KANSL1: variants seen among roughly 807,000 people sequenced by gnomAD.
KANSL1 encodes KAT8 regulatory NSL complex subunit 1.
Under a neutral mutation model 103.6 loss-of-function variants are expected in KANSL1, and 22 were observed. The ratio of observed to expected loss-of-function variants is 0.21; its 90% CI spans 0.15 to 0.30. The LOEUF (loss-of-function observed/expected upper bound fraction) is 0.30, where lower values mean the gene tolerates loss of function less well. Among genes scored for constraint, KANSL1 ranks in the 10% least tolerant of loss-of-function variants. The pLI, the probability that KANSL1 is intolerant of heterozygous loss-of-function variation, is 1.00. For missense variants in KANSL1, 1,337 were observed against 1,399.8 expected, an observed-to-expected ratio of 0.96 and a Z score of 0.72; for synonymous variants, 600 against 527.6, an observed-to-expected ratio of 1.14 and a Z score of -1.88.
chr17:46,114,034 G>C (rs1417894284), intron 2 of KANSL1, among the ~76,000 whole-genome samples: 3 of 152,312 alleles, frequency 2.0e-5, no homozygotes, highest in East Asian at 1.9e-4. Context: ...AGCCAAGTCA[G>C]ACTGTCAAAC....
chr17:46,156,549 T>C (rs1254625456), intron 2 of KANSL1, among the ~76,000 whole-genome samples: 1 of 152,268 alleles, frequency 6.6e-6, no homozygotes, highest in Non-Finnish European at 1.5e-5. Flanking sequence ...TTAATGCCTG[T>C]ACCATGTATC....
At chr17:46,182,180 C>T (rs1246845424) in intron 1 of KANSL1, among the ~76,000 whole-genome samples, 1 of 152,138 alleles carries the variant, frequency 6.6e-6, no homozygotes, top group Non-Finnish European at 1.5e-5. Context: ...GTCAAAAAGG[C>T]CTCGTGGGGG....
rs1166121795 is a variant in KANSL1, at chr17:46,206,096, A to AC, written c.-90+17574_-90+17575insG. Among the ~76,000 whole-genome samples, 6 of 151,982 alleles carry AC rather than the reference A, an allele frequency of 3.9e-5. No homozygotes were observed. The East Asian group carries it at 1.2e-3, about 29-fold the overall frequency. On this transcript the variant is annotated intron_variant, in intron 1 of 14. Transcript: ENST00000572904. ...GACTGTGTCCCCCAAAAAAAAAAAA[A>AC]AAAAAAAAAGGAAAGATATCCCATG...
intron 2 of KANSL1, among the ~76,000 whole-genome samples, chr17:46,146,321 T>C (rs1360568430): frequency 6.6e-6 from 1 of 152,254 alleles, no homozygotes; most frequent in Non-Finnish European, 1.5e-5. Flanking sequence ...TTATCAGCTC[T>C]ATTTACAGAG....
chr17:46,123,363 C>T (rs2043371173), intron 2 of KANSL1, among the ~76,000 whole-genome samples: 3 of 152,008 alleles, frequency 2.0e-5, no homozygotes, highest in South Asian at 2.1e-4. Context: ...GGCGGCAGAG[C>T]GAGACTCCAT....
At chr17:46,041,119 G>A (rs1598461160) in intron 7 of KANSL1, 1 of 152,196 alleles carries the variant, frequency 6.6e-6, no homozygotes, top group Non-Finnish European at 1.5e-5. Context: ...TTCATTACTA[G>A]TATATAGAAG....
chr17:46,092,711 TTTTTGGGGG>T (rs2079448099), intron 3 of KANSL1, among the ~76,000 whole-genome samples: 1 of 72,894 alleles, frequency 1.4e-5, no homozygotes, highest in Non-Finnish European at 2.5e-5. Flanking sequence ...TGTTTTTTTT[TTTTTGGGGG>T]GGGGGGGGGA....
intron 2 of KANSL1, among the ~76,000 whole-genome samples, chr17:46,101,690 G>T (rs1329742879): frequency 2.7e-5 from 4 of 145,506 alleles, no homozygotes; most frequent in Non-Finnish European, 5.9e-5. Context: ...GGAGGCAGAG[G>T]TTACAGTGAG....
At position 46,204,855 on chromosome 17, in the gene KANSL1, A is replaced by C. The variant is rs148673306; in HGVS notation, c.-90+18816T>G. Among the ~76,000 whole-genome samples, 248 of 152,384 alleles carry C rather than the reference A, an allele frequency of 1.6e-3. 1 individual carries two copies. The highest frequency in any genetic ancestry group is 2.5e-3 in the Non-Finnish European group (168 of 68,038). On this transcript the variant is annotated intron_variant, in intron 1 of 14. Transcript: ENST00000572904. ...AGGATACAAACCACATGATCATTTG[A>C]ATAGATGCAGAAAAAGCACTTAACA...
intron 2 of KANSL1, among the ~76,000 whole-genome samples, chr17:46,160,021 CCTCT>C (rs1385011771): frequency 5.9e-5 from 9 of 152,210 alleles, no homozygotes; most frequent in South Asian, 4.1e-4. Context: ...TTTTTTCTGC[CCTCT>C]CTCTATCAGT....
chr17:46,159,199 C>T (rs1273038495), intron 2 of KANSL1, among the ~76,000 whole-genome samples: 1 of 152,214 alleles, frequency 6.6e-6, no homozygotes, highest in Non-Finnish European at 1.5e-5. Context: ...CCTGCCTATG[C>T]CTATGACAAC....
At chr17:46,054,350 G>A (rs1032590197) in intron 6 of KANSL1, among the ~76,000 whole-genome samples, 8 of 152,256 alleles carry the variant, frequency 5.3e-5, no homozygotes, top group Middle Eastern at 3.4e-3. Flanking sequence ...CATCGCGACC[G>A]GTCCCAGTCA....
intron 2 of KANSL1, among the ~76,000 whole-genome samples, chr17:46,096,311 C>CTTTTTTTTTTTCTTTTTT (rs2042070594): frequency 1.3e-5 from 1 of 76,408 alleles, no homozygotes; most frequent in Non-Finnish European, 2.5e-5. Flanking sequence ...GCTTTTTTTT[C>CTTTTTTTTTTTCTTTTTT]TTTTTTTTTT....
intron 1 of KANSL1, among the ~76,000 whole-genome samples, chr17:46,219,227 A>C (rs1281549109): frequency 6.6e-6 from 1 of 151,554 alleles, no homozygotes; most frequent in Non-Finnish European, 1.5e-5. Context: ...TCACCTGGAC[A>C]ACAAAGCGAG....
rs1290513929 is a variant in KANSL1, at chr17:46,030,382, G to T, written c.*1094C>A. ...CGATTACAAAATGGCCAAAAAAAAAGAGTCTTCTCCCCCCTCCCCCTTTTT... is the reference window on the plus strand; with the variant it reads ...CGATTACAAAATGGCCAAAAAAAAATAGTCTTCTCCCCCCTCCCCCTTTTT... On this transcript the variant is annotated 3_prime_UTR_variant, in exon 15 of 15. Coordinates refer to ENST00000432791, the MANE Select transcript of KANSL1 (RefSeq NM_015443.4). 2 of 150,842 alleles carry T rather than the reference G, an allele frequency of 1.3e-5. No homozygotes were observed. The highest frequency in any genetic ancestry group is 3.9e-4 in the East Asian group (2 of 5,158). 9.3% of individuals were successfully genotyped at this position (150,842 alleles called of 1,614,324 possible).
chr17:46,070,944 A>G (rs1311313153), intron 4 of KANSL1, among the ~76,000 whole-genome samples: 1 of 152,218 alleles, frequency 6.6e-6, no homozygotes, highest in African/African-American at 2.4e-5. Context: ...ATTCTCTAAC[A>G]AAGTCTCATT....
chr17:46,095,240 T>G (rs2042011541), intron 2 of KANSL1, among the ~76,000 whole-genome samples: 1 of 152,222 alleles, frequency 6.6e-6, no homozygotes, highest in Non-Finnish European at 1.5e-5. Flanking sequence ...ACACATTTTT[T>G]TAGGATGGCG....
intron 2 of KANSL1, 99 bp downstream of exon 2, chr17:46,170,756 T>C (rs913712733): frequency 3.6e-5 from 47 of 1,307,488 alleles, no homozygotes; most frequent in Non-Finnish European, 4.6e-5. Flanking sequence ...CCTAGACACC[T>C]ATGTACAAAG....
At chr17:46,189,385 A>AT (rs2047199801) in intron 1 of KANSL1, among the ~76,000 whole-genome samples, 7 of 152,186 alleles carry the variant, frequency 4.6e-5, no homozygotes, top group Admixed American at 2.0e-4. Flanking sequence ...GAGGGACAAT[A>AT]AAACTATATA....
Sources: gnomAD v4.1 joint callset for allele counts (sites outside exome capture counted in the v4.1 genomes callset) on GRCh38, gnomAD v4.1.1 for gene constraint, MANE v1.5 for transcripts, NCBI Gene and HGNC (gene_info 2026-07-23, HGNC 2026-07-21) for gene names.